MMP20: variants seen among roughly 807,000 people sequenced by gnomAD.
MMP20 encodes matrix metallopeptidase 20, also known as matrix metalloproteinase-20.
A neutral mutation model predicts 51.8 loss-of-function variants in MMP20; 50 were observed. The ratio of observed to expected loss-of-function variants is 0.97; its 90% CI spans 0.77 to 1.22. MMP20 has a LOEUF of 1.22. Ranked by LOEUF, MMP20 falls within the 50% of genes most tolerant of loss-of-function variation. The probability of loss-of-function intolerance (pLI) is 0.00; values close to 1 mark genes in which losing one functional copy is unlikely to be tolerated. For synonymous variants in MMP20, 244 were observed against 216.2 expected (o/e 1.13, Z -1.13); for missense variants, 663 against 601.4 (o/e 1.10, Z -1.07).
chr11:102,588,962 A>C (rs1859283563), intron 8 of MMP20, among the ~76,000 whole-genome samples: 1 of 152,160 alleles, frequency 6.6e-6, no homozygotes, highest in African/African-American at 2.4e-5. Flanking sequence ...GTTTCCCTCT[A>C]ATTCAGTCAC....
intron 9 of MMP20, 102 bp downstream of exon 9, chr11:102,578,937 C>A: frequency 1.2e-6 from 1 of 833,104 alleles, no homozygotes; most frequent in Non-Finnish European, 2.1e-6. Flanking sequence ...AATATAAAAA[C>A]CAAGGACTCC....
intron 6 of MMP20, among the ~76,000 whole-genome samples, chr11:102,600,183 G>A (rs922583024): frequency 1.3e-4 from 20 of 152,204 alleles, no homozygotes; most frequent in South Asian, 1.0e-3. Context: ...CAGGGAGAAT[G>A]CGAAGGAGGA....
chr11:102,582,592 G>A (rs1859209819), intron 8 of MMP20, among the ~76,000 whole-genome samples: 5 of 152,180 alleles, frequency 3.3e-5, no homozygotes, highest in Admixed American at 3.3e-4. Flanking sequence ...AGAGAAGGCA[G>A]GAGAGGAGGA....
At chr11:102,593,277 T>C (rs1362322576) in intron 8 of MMP20, among the ~76,000 whole-genome samples, 162 bp downstream of exon 8, 1 of 152,212 alleles carries the variant, frequency 6.6e-6, no homozygotes, top group Admixed American at 6.5e-5. Context: ...TGGTTCCATA[T>C]CTTGAAGACA....
rs373684205 is a variant in MMP20, at chr11:102,616,890, C to A, written c.296G>T (p.Arg99Leu). Residue 99 changes from arginine (R) to leucine (L), a missense_variant, in exon 2 of 10, where the codon CGC becomes CTC. Arg to Leu is a moderately radical substitution (Grantham distance 102). Coordinates refer to ENST00000260228, the MANE Select transcript of MMP20 (RefSeq NM_004771.4). The part of the protein sequence containing the change: ...QTTMNVIKKP[R>L]CGVPDVANYR... ...ATTGGCCACATCAGGAACTCCACAG[C>A]GAGGCTTCTTGATCACGTTCATTGT... 5.6e-6 allele frequency: 9 copies of A among 1,614,058 alleles called. No homozygotes were observed. Among genetic ancestry groups the A allele is most frequent in the Non-Finnish European group, 7.6e-6 (9 of 1,180,028 alleles).
chr11:102,621,764 T>C (rs1030113890), intron 1 of MMP20, among the ~76,000 whole-genome samples: 1 of 152,174 alleles, frequency 6.6e-6, no homozygotes, highest in Non-Finnish European at 1.5e-5. Flanking sequence ...GTTATGAAAA[T>C]AGTATAAAAC....
At chr11:102,582,485 T>C (rs116321744) in intron 8 of MMP20, among the ~76,000 whole-genome samples, 228 of 152,294 alleles carry the variant, frequency 1.5e-3, no homozygotes, top group African/African-American at 5.2e-3. Flanking sequence ...CATTTTGAAG[T>C]TAATGATTTC....
At chr11:102,607,836 GAAT>G (rs17093900) in intron 5 of MMP20, 141 of 150,678 alleles carry the variant, frequency 9.4e-4, no homozygotes, top group African/African-American at 3.4e-3. Flanking sequence ...TGGCCCACAG[GAAT>G]CGCTTCCCAT....
At chr11:102,579,805 CA>C (rs17098654) in intron 8 of MMP20, among the ~76,000 whole-genome samples, 1 of 151,814 alleles carries the variant, frequency 6.6e-6, no homozygotes, top group African/African-American at 2.4e-5. Context: ...TCTGTTAACT[CA>C]AAAAAAACTT....
chr11:102,609,802 C>A (rs528781512), intron 4 of MMP20, 103 bp downstream of exon 4: 1 of 1,538,980 alleles, frequency 6.5e-7, no homozygotes, highest in African/African-American at 1.4e-5. Flanking sequence ...AGCCAGCCCC[C>A]CTAGTTAAAG....
chr11:102,587,138 G>C (rs1407500057), intron 8 of MMP20, among the ~76,000 whole-genome samples: 1 of 151,950 alleles, frequency 6.6e-6, no homozygotes, highest in Admixed American at 6.6e-5. Context: ...ATAAGTTCTG[G>C]TATGTTGTAT....
chr11:102,610,181 C>T, intron 3 of MMP20, 151 bp from the exon 4 acceptor site: 1 of 860,462 alleles, frequency 1.2e-6, no homozygotes, highest in East Asian at 2.7e-5. Flanking sequence ...GTTCATTTGT[C>T]AATGAGTAAC....
At chr11:102,613,698 C>T (rs1859631456) in intron 2 of MMP20, among the ~76,000 whole-genome samples, 1 of 152,126 alleles carries the variant, frequency 6.6e-6, no homozygotes, top group East Asian at 1.9e-4. Flanking sequence ...CAATTCAGGA[C>T]TTGAGAGGGA....
chr11:102,615,291 A>G, intron 2 of MMP20, among the ~76,000 whole-genome samples: 1 of 148,080 alleles, frequency 6.8e-6, no homozygotes, highest in East Asian at 1.9e-4. Context: ...TTTATTTAAT[A>G]TAATATAATT....
intron 2 of MMP20, among the ~76,000 whole-genome samples, chr11:102,613,790 T>A (rs1341662573): frequency 6.6e-6 from 1 of 152,190 alleles, no homozygotes; most frequent in Non-Finnish European, 1.5e-5. Context: ...AGACAGACCC[T>A]TAAAGGGACT....
intron 6 of MMP20, among the ~76,000 whole-genome samples, chr11:102,596,666 G>C (rs1411144410): frequency 6.6e-6 from 1 of 152,220 alleles, no homozygotes; most frequent in Non-Finnish European, 1.5e-5. Context: ...CAGAAGGGCT[G>C]CTGGCCCAAA....
At chr11:102,617,167 G>C (rs1257222727) in intron 1 of MMP20, 108 bp from the exon 2 acceptor site, 9 of 1,327,972 alleles carry the variant, frequency 6.8e-6, no homozygotes, top group South Asian at 1.2e-5. Context: ...AGTGTGTAGA[G>C]TATTTTCCCA....
intron 3 of MMP20, among the ~76,000 whole-genome samples, chr11:102,611,012 C>G (rs900905797): frequency 5.3e-5 from 8 of 152,096 alleles, no homozygotes; most frequent in African/African-American, 1.9e-4. Flanking sequence ...GGTGGCCTTT[C>G]TCTTCTGGGA....
chr11:102,610,907 C>G (rs917992716), intron 3 of MMP20, among the ~76,000 whole-genome samples: 1 of 152,238 alleles, frequency 6.6e-6, no homozygotes, highest in Middle Eastern at 3.4e-3. Flanking sequence ...AGGGGACAGA[C>G]TGTAAGCTTG....
Sources: allele counts gnomAD v4.1 joint callset (sites outside exome capture counted in the v4.1 genomes callset), GRCh38; gene constraint gnomAD v4.1.1; transcripts MANE v1.5; gene names NCBI Gene and HGNC (gene_info 2026-07-23, HGNC 2026-07-21).